The following HHAT variants were observed in gnomAD, a reference collection of about 807,000 sequenced individuals.
HHAT encodes hedgehog acyltransferase.
A neutral mutation model predicts 70.8 loss-of-function variants in HHAT; 47 were observed. The observed-to-expected ratio is 0.66, with a 90% CI of 0.53 to 0.85. The LOEUF (loss-of-function observed/expected upper bound fraction) is 0.85, where lower values mean the gene tolerates loss of function less well. Ranked by LOEUF, HHAT falls within the 40% of genes least tolerant of loss-of-function variation. The probability of loss-of-function intolerance (pLI) is 0.00; values close to 1 mark genes in which losing one functional copy is unlikely to be tolerated. For synonymous variants in HHAT, 228 were observed against 247.6 expected (o/e 0.92, Z 0.74); for missense variants, 609 against 604.8 (o/e 1.01, Z -0.07).
At chr1:210,552,390 G>A (rs1222829091) in intron 9 of HHAT, among the ~76,000 whole-genome samples, 2 of 152,176 alleles carry the variant, frequency 1.3e-5, no homozygotes, top group South Asian at 2.1e-4. Flanking sequence ...AAAACCTCTG[G>A]CCTGTGCCTT....
intron 7 of HHAT, among the ~76,000 whole-genome samples, chr1:210,418,778 A>G (rs1352944618): frequency 2.0e-5 from 3 of 152,166 alleles, no homozygotes; most frequent in Admixed American, 1.3e-4. Flanking sequence ...CATGCCTGTA[A>G]TCCAAGCACT....
At chr1:210,614,857 T>C (rs1233556860) in intron 10 of HHAT, among the ~76,000 whole-genome samples, 2 of 152,250 alleles carry the variant, frequency 1.3e-5, no homozygotes, top group African/African-American at 4.8e-5. Flanking sequence ...TTGTGAGTAG[T>C]GCCGCAATAA....
intron 9 of HHAT, among the ~76,000 whole-genome samples, chr1:210,547,566 C>T (rs965011117): frequency 3.3e-5 from 5 of 152,130 alleles, no homozygotes; most frequent in African/African-American, 1.2e-4. Context: ...AGGCAGGTCC[C>T]AAAGGGCCTC....
intron 6 of HHAT, among the ~76,000 whole-genome samples, chr1:210,417,401 G>A (rs2092754826): frequency 6.6e-6 from 1 of 152,032 alleles, no homozygotes; most frequent in African/African-American, 2.4e-5. Flanking sequence ...TGCCCAGCTA[G>A]TTTTTGTAGT....
intron 10 of HHAT, among the ~76,000 whole-genome samples, chr1:210,597,488 T>G (rs1275467067): frequency 1.3e-5 from 2 of 152,086 alleles, no homozygotes; most frequent in African/African-American, 4.8e-5. Flanking sequence ...GTCAGAAACC[T>G]TAGGAATCTA....
chr1:210,430,187 T>C lies in HHAT; in HGVS notation c.856+11862T>C, dbSNP rs149096393. Among the ~76,000 whole-genome samples, 5 of 152,036 alleles carry C rather than the reference T, an allele frequency of 3.3e-5. No homozygotes were observed. In the East Asian group the frequency reaches 9.6e-4, roughly 29 times the overall value. ...AATTTGGTCAAGCTAGCTTCTGTGT[T>C]CTCTTGATGAGCCTTTATTTGCCTC... On this transcript the variant is annotated intron_variant, in intron 7 of 11. Coordinates refer to ENST00000261458, the MANE Select transcript of HHAT (RefSeq NM_018194.6).
intron 10 of HHAT, among the ~76,000 whole-genome samples, chr1:210,612,831 A>G (rs1459473522): frequency 6.6e-6 from 1 of 152,096 alleles, no homozygotes; most frequent in Non-Finnish European, 1.5e-5. Flanking sequence ...TGATATAGCC[A>G]CCTTAGAAGG....
Position 210,386,230 on chromosome 1 carries a change from C to CTTTTTTTTTT in HHAT, c.160-1221_160-1212dup, listed in dbSNP as rs869305965. Among the ~76,000 whole-genome samples the CTTTTTTTTTT allele has an allele frequency of 4.3e-4, 30 of 69,924 alleles. 1 individual carries two copies. The highest frequency in any genetic ancestry group is 1.4e-3 in the East Asian group (3 of 2,080). The allele number at this position is 69,924 out of a possible 152,430, so 45.9% of individuals were successfully genotyped here. On this transcript the variant is annotated intron_variant, in intron 3 of 11. Transcript: ENST00000261458. ...ATTGCAGGAGTCCTTTTCTTTTTTT[C>CTTTTTTTTTT]TTTTTTTTTTTTTTTTTTTTTTTTT...
intron 7 of HHAT, among the ~76,000 whole-genome samples, chr1:210,461,114 G>A (rs778295000): frequency 2.0e-5 from 3 of 152,158 alleles, no homozygotes; most frequent in Non-Finnish European, 4.4e-5. Context: ...ACAAAAGCTA[G>A]TTCAATTTGT....
At chr1:210,404,357 C>T (rs907426669) in intron 5 of HHAT, 107 bp from the exon 6 acceptor site, 7 of 820,200 alleles carry the variant, frequency 8.5e-6, no homozygotes, top group Non-Finnish European at 1.4e-5. Flanking sequence ...CCCAGAGCCC[C>T]CTGGGATTCT....
chr1:210,403,914 C>T (rs1331468456), intron 5 of HHAT, among the ~76,000 whole-genome samples: 1 of 142,060 alleles, frequency 7.0e-6, no homozygotes, highest in East Asian at 2.0e-4. Context: ...GAGAATTTAA[C>T]ATATTGAGGG....
intron 9 of HHAT, among the ~76,000 whole-genome samples, chr1:210,574,572 T>G (rs1234274233): frequency 2.6e-5 from 4 of 152,242 alleles, no homozygotes; most frequent in African/African-American, 9.6e-5. Context: ...TTCCTTTATA[T>G]TACCCTTGTC....
intron 7 of HHAT, among the ~76,000 whole-genome samples, chr1:210,429,169 A>G (rs1422699461): frequency 1.3e-5 from 2 of 151,850 alleles, no homozygotes; most frequent in African/African-American, 4.9e-5. Context: ...TAACAAACAC[A>G]ATGGATCTAC....
chr1:210,521,508 G>T (rs971013852), intron 9 of HHAT, among the ~76,000 whole-genome samples: 7 of 152,196 alleles, frequency 4.6e-5, no homozygotes, highest in Non-Finnish European at 1.0e-4. Context: ...TTTGAGTTTT[G>T]TGAATGACAG....
Position 210,530,831 on chromosome 1 carries a change from T to G in HHAT, c.1043+17643T>G, listed in dbSNP as rs140496564. ...CTGGTACAATAATCTAGTCAATTCT[T>G]TTAGTGAATTCTCTGTTCAGATGCT... On this transcript the variant is annotated intron_variant, in intron 9 of 11. Coordinates refer to ENST00000261458, the MANE Select transcript of HHAT (RefSeq NM_018194.6). Among the ~76,000 whole-genome samples the G allele has an allele frequency of 1.3e-3, 193 of 152,270 alleles. 1 individual carries two copies. Among genetic ancestry groups the G allele is most frequent in the African/African-American group, 4.5e-3 (185 of 41,546 alleles).
chr1:210,419,859 T>C (rs2092841092), intron 7 of HHAT, among the ~76,000 whole-genome samples: 1 of 152,216 alleles, frequency 6.6e-6, no homozygotes, highest in South Asian at 2.1e-4. Flanking sequence ...CCCAGTTGTA[T>C]GGGATACAAA....
At chr1:210,600,729 A>G (rs1194717211) in intron 10 of HHAT, among the ~76,000 whole-genome samples, 1 of 152,106 alleles carries the variant, frequency 6.6e-6, no homozygotes, top group East Asian at 1.9e-4. Flanking sequence ...TTAGCATTGA[A>G]ATATTTTAAT....
intron 7 of HHAT, among the ~76,000 whole-genome samples, chr1:210,428,803 C>T (rs2093156019): frequency 6.6e-6 from 1 of 151,510 alleles, no homozygotes; most frequent in Non-Finnish European, 1.5e-5. Flanking sequence ...ATGGCAAAAC[C>T]CCATCTCTAC....
At chr1:210,637,007 TC>T (rs1439175326) in intron 11 of HHAT, among the ~76,000 whole-genome samples, 1 of 152,156 alleles carries the variant, frequency 6.6e-6, no homozygotes, top group Admixed American at 6.6e-5. Context: ...TCTCTACTAC[TC>T]AAATTCCCAC....
Sources: gnomAD v4.1 joint callset for allele counts (sites outside exome capture counted in the v4.1 genomes callset) on GRCh38, gnomAD v4.1.1 for gene constraint, MANE v1.5 for transcripts, NCBI Gene and HGNC (gene_info 2026-07-23, HGNC 2026-07-21) for gene names.